The following SLC4A4 variants were observed in gnomAD, a reference collection of about 807,000 sequenced individuals.
The protein encoded by SLC4A4 is solute carrier family 4 member 4, also known as electrogenic sodium bicarbonate cotransporter 1.
Under a neutral mutation model 111.5 loss-of-function variants are expected in SLC4A4, and 27 were observed. That is an observed-to-expected ratio of 0.24 (90% CI 0.18 to 0.33). The LOEUF (loss-of-function observed/expected upper bound fraction) is 0.33, where lower values mean the gene tolerates loss of function less well. SLC4A4 is among the 10% of genes least tolerant of loss of function. The pLI is 1.00. For missense variants in SLC4A4, 909 were observed against 1,315.5 expected (o/e 0.69, Z 4.78); for synonymous variants, 443 against 463.4 (o/e 0.96, Z 0.57).
chr4:71,239,109 G>A (rs1666891104), intron 2 of SLC4A4, among the ~76,000 whole-genome samples: 1 of 152,164 alleles, frequency 6.6e-6, no homozygotes, highest in African/African-American at 2.4e-5. Flanking sequence ...AGAAGTGAAT[G>A]CCTCAGTTTT....
At chr4:71,290,479 C>A (rs1724255761) in intron 3 of SLC4A4, among the ~76,000 whole-genome samples, 2 of 152,108 alleles carry the variant, frequency 1.3e-5, no homozygotes, top group African/African-American at 4.8e-5. Flanking sequence ...TTGAGAAAGA[C>A]CTATTCGACT....
At chr4:71,085,814 G>A (rs1210135046) in intron 1 of SLC4A4, among the ~76,000 whole-genome samples, 1 of 152,000 alleles carries the variant, frequency 6.6e-6, no homozygotes, top group Non-Finnish European at 1.5e-5. Context: ...TAGCCTTGTA[G>A]TATAGTTCAA....
At chr4:71,461,664 A>C (rs1018273109) in intron 12 of SLC4A4, among the ~76,000 whole-genome samples, 3 of 152,030 alleles carry the variant, frequency 2.0e-5, no homozygotes, top group African/African-American at 4.8e-5. Flanking sequence ...TTTTTTTAGA[A>C]TCTTGCTCCT....
chr4:71,406,397 G>T lies in SLC4A4; in HGVS notation c.807+8744G>T, dbSNP rs377760893. On this transcript the variant is annotated intron_variant, in intron 7 of 25. Coordinates refer to ENST00000264485, the MANE Select transcript of SLC4A4 (RefSeq NM_001098484.3). Reference sequence around the variant, plus strand: ...ATTTCCCTCTTAATAGGGAATCTCTGCAGAGTAAGTTTATGAAGAGGTCAC... The same window carrying T: ...ATTTCCCTCTTAATAGGGAATCTCTTCAGAGTAAGTTTATGAAGAGGTCAC... Among the ~76,000 whole-genome samples, 67 of 151,956 alleles carry T rather than the reference G, an allele frequency of 4.4e-4. 2 individuals are homozygous for T. In the South Asian group the frequency reaches 0.011, roughly 25 times the overall value.
At chr4:71,250,088 T>C (rs1720956315) in intron 2 of SLC4A4, among the ~76,000 whole-genome samples, 1 of 152,136 alleles carries the variant, frequency 6.6e-6, no homozygotes, top group South Asian at 2.1e-4. Flanking sequence ...AGCATCTTTT[T>C]ATAATCTGTC....
chr4:71,147,327 T>C (rs575197429), intron 2 of SLC4A4, among the ~76,000 whole-genome samples: 2 of 152,276 alleles, frequency 1.3e-5, no homozygotes, highest in Middle Eastern at 3.4e-3. Context: ...TCTCTTCCCC[T>C]GCTCTTCCTG....
chr4:71,497,659 A>G lies in SLC4A4; in HGVS notation c.2133A>G (p.Lys711=). 6.2e-7 allele frequency: 1 copy of G among 1,613,616 alleles called. No individual in the cohort carries two copies. Among genetic ancestry groups the G allele is most frequent in the African/African-American group, 1.3e-5 (1 of 75,028 alleles). ...LGTYTSSMAL[K]KFKTSPYFPT... ...CCTACACCTCTTCCATGGCTCTGAA[A>G]AAATTCAAAACTAGTCCTTATTTTC... Residue 711 remains lysine, a synonymous_variant, in exon 16 of 26, where the codon AAA becomes AAG. Transcript: ENST00000264485.
chr4:71,114,194 C>A lies in SLC4A4; in HGVS notation c.-2+21402C>A, dbSNP rs183189688. On this transcript the variant is annotated intron_variant, in intron 2 of 26. Transcript: ENST00000649996. ...CGGGGAGGCAGAGCTTGCAGTGAGT[C>A]GAGATGGCGCCACTGCACTCCAGCC... Among the ~76,000 whole-genome samples, 104 of 152,214 alleles carry A rather than the reference C, an allele frequency of 6.8e-4. 1 individual carries two copies. In the East Asian group the frequency reaches 0.017, roughly 25 times the overall value.
intron 3 of SLC4A4, among the ~76,000 whole-genome samples, chr4:71,277,491 C>G (rs1427407183): frequency 6.6e-6 from 1 of 151,028 alleles, no homozygotes; most frequent in East Asian, 1.9e-4. Context: ...GGCTTCCCTT[C>G]CCTTCCCTTC....
intron 3 of SLC4A4, among the ~76,000 whole-genome samples, chr4:71,272,514 C>T (rs1722770559): frequency 6.6e-6 from 1 of 152,058 alleles, no homozygotes; most frequent in South Asian, 2.1e-4. Flanking sequence ...TCATGTTAAG[C>T]AAGTGGTAAA....
At chr4:71,286,255 A>T (rs1383321350) in intron 3 of SLC4A4, among the ~76,000 whole-genome samples, 1 of 152,030 alleles carries the variant, frequency 6.6e-6, no homozygotes, top group Admixed American at 6.6e-5. Flanking sequence ...AAAAGTTCAG[A>T]TTTCTGGGCT....
chr4:71,086,306 T>G (rs1376815359), intron 1 of SLC4A4, among the ~76,000 whole-genome samples: 1 of 151,726 alleles, frequency 6.6e-6, no homozygotes, highest in Non-Finnish European at 1.5e-5. Flanking sequence ...GATTTTGGGC[T>G]AAGACGATGG....
intron 20 of SLC4A4, among the ~76,000 whole-genome samples, chr4:71,550,119 A>C (rs550602965): frequency 6.6e-6 from 1 of 152,070 alleles, no homozygotes; most frequent in East Asian, 1.9e-4. Flanking sequence ...TGAAAAATGC[A>C]GTCCAGCAAA....
intron 6 of SLC4A4, among the ~76,000 whole-genome samples, chr4:71,357,775 T>G (rs752542238): frequency 1.3e-5 from 2 of 151,926 alleles, no homozygotes; most frequent in Non-Finnish European, 2.9e-5. Flanking sequence ...AACCCCATTA[T>G]TTAACAATAA....
intron 16 of SLC4A4, among the ~76,000 whole-genome samples, chr4:71,501,170 C>T (rs1463394054): frequency 5.3e-5 from 8 of 152,068 alleles, no homozygotes; most frequent in Non-Finnish European, 1.0e-4. Flanking sequence ...AGCACATTCA[C>T]CTCCCTGGTT....
intron 6 of SLC4A4, 95 bp downstream of exon 6, chr4:71,357,282 T>C: frequency 7.6e-7 from 1 of 1,324,366 alleles, no homozygotes; most frequent in Non-Finnish European, 1.1e-6. Context: ...CTTCTCCATA[T>C]TTTTTCTTTT....
At chr4:71,470,481 A>T (rs1727767340) in intron 13 of SLC4A4, among the ~76,000 whole-genome samples, 1 of 152,034 alleles carries the variant, frequency 6.6e-6, no homozygotes, top group African/African-American at 2.4e-5. Flanking sequence ...TAAAAGGAAA[A>T]TCTAAGAATC....
intron 17 of SLC4A4, among the ~76,000 whole-genome samples, 153 bp from the exon 18 acceptor site, chr4:71,534,074 G>C (rs1011000637): frequency 6.6e-6 from 1 of 151,936 alleles, no homozygotes; most frequent in African/African-American, 2.4e-5. Context: ...GAGAGTTTTG[G>C]TGAATAATCT....
chr4:71,451,445 G>A, intron 11 of SLC4A4, 144 bp downstream of exon 11: 3 of 711,128 alleles, frequency 4.2e-6, no homozygotes, highest in East Asian at 2.7e-5. Context: ...ACAGGCACTG[G>A]GAATATAGCA....
Sources: allele counts gnomAD v4.1 joint callset (sites outside exome capture counted in the v4.1 genomes callset), GRCh38; gene constraint gnomAD v4.1.1; transcripts MANE v1.5; gene names NCBI Gene and HGNC (gene_info 2026-07-23, HGNC 2026-07-21).